POLR2B: variants seen among roughly 807,000 people sequenced by gnomAD.
The protein encoded by POLR2B is RNA polymerase II subunit B.
POLR2B carries 57 observed loss-of-function variants against 144.6 expected under a neutral mutation model. The ratio of observed to expected loss-of-function variants is 0.39; its 90% CI spans 0.32 to 0.49. The LOEUF is 0.49. Ranked by LOEUF, POLR2B falls within the 20% of genes least tolerant of loss-of-function variation. POLR2B has a pLI of 0.83. For synonymous variants in POLR2B, 442 were observed against 469.8 expected, an observed-to-expected ratio of 0.94 and a Z score of 0.77; for missense variants, 595 against 1,467.4, an observed-to-expected ratio of 0.41 and a Z score of 9.71.
intron 7 of POLR2B, among the ~76,000 whole-genome samples, chr4:57,001,989 T>C (rs1722868851): frequency 6.6e-6 from 1 of 152,138 alleles, no homozygotes; most frequent in Non-Finnish European, 1.5e-5. Flanking sequence ...GAAAATTGGG[T>C]TCTGGTTAGA....
intron 6 of POLR2B, among the ~76,000 whole-genome samples, chr4:56,999,154 ATATT>A (rs1722777230): frequency 6.6e-6 from 1 of 151,036 alleles, no homozygotes; most frequent in Non-Finnish European, 1.5e-5. Flanking sequence ...CTCTGATTTA[ATATT>A]TATTTTTTAT....
At chr4:56,982,750 C>T (rs892397887) in intron 1 of POLR2B, among the ~76,000 whole-genome samples, 1 of 151,832 alleles carries the variant, frequency 6.6e-6, no homozygotes, top group East Asian at 1.9e-4. Flanking sequence ...AGGATGTGTG[C>T]CTAGGGTATA....
At position 57,007,019 on chromosome 4, in the gene POLR2B, T is replaced by C. The variant is rs994708602; in HGVS notation, c.1404+17T>C. 40 of 1,566,368 alleles carry C rather than the reference T, an allele frequency of 2.6e-5. No homozygotes were observed. Among genetic ancestry groups the C allele is most frequent in the Non-Finnish European group, 3.0e-5 (34 of 1,138,748 alleles). On this transcript the variant is annotated intron_variant, in intron 10 of 24. Coordinates refer to ENST00000314595, the MANE Select transcript of POLR2B (RefSeq NM_000938.3). ...GTATCTCAGGTAAGTGTGCCAACTATGACTACAGGCTCAATAGGAAACATG... is the reference window on the plus strand; with the variant it reads ...GTATCTCAGGTAAGTGTGCCAACTACGACTACAGGCTCAATAGGAAACATG...
At chr4:56,986,524 A>G (rs1357208731) in intron 2 of POLR2B, 98 bp downstream of exon 2, 5 of 667,528 alleles carry the variant, frequency 7.5e-6, no homozygotes, top group Non-Finnish European at 1.3e-5. Flanking sequence ...ATGCTACATG[A>G]GAGTAGTTAT....
intron 4 of POLR2B, 23 bp downstream of exon 4, chr4:56,994,539 C>T (rs1317781186): frequency 6.7e-6 from 10 of 1,481,896 alleles, no homozygotes; most frequent in African/African-American, 4.2e-5. Flanking sequence ...TTTTCCTTGT[C>T]AGCAGTAGAT....
At position 57,017,866 on chromosome 4, in the gene POLR2B, C is replaced by A; in HGVS notation, c.2323+138C>A. 1.7e-6 allele frequency: 1 copy of A among 592,966 alleles called. No homozygotes were observed. The highest frequency in any genetic ancestry group is 2.8e-6 in the Non-Finnish European group (1 of 354,874). The allele number at this position is 592,966 out of a possible 1,614,324, so 36.7% of individuals were successfully genotyped here. On this transcript the variant is annotated intron_variant, in intron 16 of 24. Transcript: ENST00000314595. This position sits in a 1 kb window ranked among gnomAD's most constrained non-coding sequence, Gnocchi z 4.8. ...TTTATAATATGGTGGGAAACATGAA[C>A]ATAATAAAAAGGTAGGTATGTGGAA...
chr4:57,003,765 C>T (rs903834968), intron 7 of POLR2B, among the ~76,000 whole-genome samples: 6 of 151,834 alleles, frequency 4.0e-5, no homozygotes, highest in African/African-American at 1.5e-4. Flanking sequence ...ATCACTGGAA[C>T]CCAGGAGGCA....
At chr4:57,018,821 T>C (rs958416511) in intron 16 of POLR2B, among the ~76,000 whole-genome samples, 4 of 152,082 alleles carry the variant, frequency 2.6e-5, no homozygotes, top group African/African-American at 7.2e-5. Context: ...ATTTGAGAAG[T>C]AGCTGATAAG....
chr4:57,024,780 A>C (rs1175120577), intron 21 of POLR2B, 106 bp from the exon 22 acceptor site: 6 of 632,810 alleles, frequency 9.5e-6, no homozygotes, highest in Non-Finnish European at 1.4e-5. Flanking sequence ...AATACTTTCA[A>C]ATTTTAAAAG....
Position 56,979,726 on chromosome 4 carries a change from C to T in POLR2B, c.19+722C>T, listed in dbSNP as rs540316583. On this transcript the variant is annotated intron_variant, in intron 1 of 24. Transcript: ENST00000314595. ...CCAACCTGACAAACATGGGGAAATC[C>T]TGTATCTACTAAAAATACAAAAATT... 3.5e-4 allele frequency among the ~76,000 whole-genome samples: 53 copies of T among 152,148 alleles called. No individual in the cohort carries two copies. In the East Asian group the frequency reaches 8.9e-3, roughly 26 times the overall value.
intron 14 of POLR2B, 151 bp from the exon 15 acceptor site, chr4:57,016,892 A>G (rs1421083655): frequency 4.3e-6 from 1 of 232,002 alleles, no homozygotes; most frequent in African/African-American, 2.3e-5. Flanking sequence ...GTTATATATA[A>G]TATTAAACTA....
Position 57,005,594 on chromosome 4 carries a change from TTA to T in POLR2B, c.1098-5_1098-4del. On this transcript the variant is annotated splice_region_variant and splice_polypyrimidine_tract_variant and intron_variant, in intron 8 of 24. Transcript: ENST00000314595. ...TCTTTCTTTCTTTCTTTTTTTTTTT[TTA>T]AAGATACATGGTTCATAGGTTACTT... 1.3e-6 allele frequency: 2 copies of T among 1,564,762 alleles called. No homozygotes were observed. The highest frequency in any genetic ancestry group is 1.2e-5 in the South Asian group (1 of 82,458).
Position 57,005,322 on chromosome 4 carries a change from CA to C in POLR2B, c.980del (p.Lys327SerfsTer56). On this transcript the variant is annotated frameshift_variant, in exon 8 of 25. Transcript: ENST00000314595. LOFTEE classifies it high-confidence loss of function. ...VALNFIGSRG[A>X]KPGVTKEKRI... ...CTAAATTTCATTGGTTCAAGAGGAGCAAAGCCTGGTGTTACTAAAGAGAAAA... is the reference window on the plus strand; with the variant it reads ...CTAAATTTCATTGGTTCAAGAGGAGCAAGCCTGGTGTTACTAAAGAGAAAA... 2 of 1,607,326 alleles carry C rather than the reference CA, an allele frequency of 1.2e-6. No homozygotes were observed. The highest frequency in any genetic ancestry group is 1.7e-6 in the Non-Finnish European group (2 of 1,177,214).
At chr4:56,983,658 C>T (rs1198659450) in intron 1 of POLR2B, among the ~76,000 whole-genome samples, 1 of 152,070 alleles carries the variant, frequency 6.6e-6, no homozygotes, top group Non-Finnish European at 1.5e-5. Context: ...GCGTGAGCCA[C>T]TGCGCCCGGC....
chr4:57,007,444 A>T (rs1723058578), intron 10 of POLR2B, among the ~76,000 whole-genome samples: 2 of 151,990 alleles, frequency 1.3e-5, no homozygotes, highest in South Asian at 4.1e-4. Context: ...CTTACTGGGG[A>T]CTTTTGAATT....
chr4:57,000,740 G>A (rs1335822727), intron 7 of POLR2B, among the ~76,000 whole-genome samples: 2 of 152,142 alleles, frequency 1.3e-5, no homozygotes, highest in Non-Finnish European at 2.9e-5. Flanking sequence ...CCGTTGCCTA[G>A]GCTGGAGTGC....
chr4:56,996,283 T>A (rs1305008523), intron 6 of POLR2B, among the ~76,000 whole-genome samples: 5,561 of 118,180 alleles, frequency 0.047, 261 homozygotes, highest in Non-Finnish European at 0.067. Context: ...TATATATTTT[T>A]TTTTTTTTTT....
intron 1 of POLR2B, among the ~76,000 whole-genome samples, chr4:56,983,368 G>GTTTTT (rs11315195): frequency 2.2e-4 from 16 of 71,304 alleles, no homozygotes; most frequent in African/African-American, 2.7e-4. Context: ...CTCTGCTCAG[G>GTTTTT]TTTTTTTTTT....
At chr4:56,992,227 C>T (rs1409350786) in intron 3 of POLR2B, among the ~76,000 whole-genome samples, 1 of 151,766 alleles carries the variant, frequency 6.6e-6, no homozygotes, top group African/African-American at 2.4e-5. Context: ...CTTTGGGAGG[C>T]CGAGGCGGGC....
Sources: gnomAD v4.1 joint callset for allele counts (sites outside exome capture counted in the v4.1 genomes callset) on GRCh38, gnomAD v4.1.1 for gene constraint, Gnocchi (gnomAD v3.1) non-coding constraint, MANE v1.5 for transcripts, NCBI Gene and HGNC (gene_info 2026-07-23, HGNC 2026-07-21) for gene names.